Variants in LRMDA observed in about 807,000 individuals in gnomAD.
LRMDA encodes leucine-rich melanocyte differentiation-associated protein.
Under a neutral mutation model 29.8 loss-of-function variants are expected in LRMDA, and 18 were observed. The ratio of observed to expected loss-of-function variants is 0.60; its 90% CI spans 0.42 to 0.90. The LOEUF (loss-of-function observed/expected upper bound fraction) is 0.90. LRMDA is among the 40% of genes least tolerant of loss of function. The pLI is 0.00. For missense variants in LRMDA, 273 were observed against 273.9 expected, an observed-to-expected ratio of 1.00 and a Z score of 0.02; for synonymous variants, 125 against 109.4, an observed-to-expected ratio of 1.14 and a Z score of -0.89.
chr10:75,514,023 T>C (rs926824293), intron 2 of LRMDA, among the ~76,000 whole-genome samples: 1 of 152,196 alleles, frequency 6.6e-6, no homozygotes, highest in African/African-American at 2.4e-5. Context: ...CCTGAACTTC[T>C]GGAATCACCT....
chr10:76,366,359 C>T (rs1239453754), intron 6 of LRMDA, among the ~76,000 whole-genome samples: 1 of 152,118 alleles, frequency 6.6e-6, no homozygotes, highest in South Asian at 2.1e-4. Flanking sequence ...AATATTGATT[C>T]TACCCATCCA....
chr10:75,978,675 C>A (rs1234465101), intron 2 of LRMDA, among the ~76,000 whole-genome samples: 2 of 152,076 alleles, frequency 1.3e-5, no homozygotes, highest in African/African-American at 4.8e-5. Context: ...TGAAGGAATT[C>A]CCAGGTACAT....
At chr10:75,951,241 T>A (rs2132420041) in intron 2 of LRMDA, among the ~76,000 whole-genome samples, 1 of 152,286 alleles carries the variant, frequency 6.6e-6, no homozygotes, top group Middle Eastern at 3.4e-3. Flanking sequence ...TGTGGAAGAT[T>A]TAAGTAGTCA....
intron 5 of LRMDA, among the ~76,000 whole-genome samples, chr10:76,239,254 T>C (rs1192181296): frequency 6.6e-6 from 1 of 152,132 alleles, no homozygotes; most frequent in Non-Finnish European, 1.5e-5. Flanking sequence ...CCCCCAATCC[T>C]AACCTCAGCC....
chr10:76,463,635 T>C lies in LRMDA; in HGVS notation c.602-93574T>C, dbSNP rs185937195. Among the ~76,000 whole-genome samples the C allele has an allele frequency of 1.2e-3, 185 of 152,204 alleles. 1 individual carries two copies. The highest frequency in any genetic ancestry group is 4.3e-3 in the African/African-American group (177 of 41,556). On this transcript the variant is annotated intron_variant, in intron 6 of 6. Transcript: ENST00000611255. ...CCCAGTGAAGAGGATTGCTGGATGT[T>C]GGGCGGTGGCAGGGGAGGGGGGAAG...
At chr10:76,209,515 G>A (rs1293471630) in intron 5 of LRMDA, among the ~76,000 whole-genome samples, 1 of 152,176 alleles carries the variant, frequency 6.6e-6, no homozygotes, top group African/African-American at 2.4e-5. Flanking sequence ...CTCCTGTGAG[G>A]GACTGGATGT....
At chr10:75,767,351 T>TA (rs1843183046) in intron 2 of LRMDA, among the ~76,000 whole-genome samples, 1 of 152,248 alleles carries the variant, frequency 6.6e-6, no homozygotes. Flanking sequence ...TGGCGTGAGA[T>TA]AGTATCTCAT....
At chr10:75,606,773 A>G (rs977125229) in intron 2 of LRMDA, among the ~76,000 whole-genome samples, 12 of 152,344 alleles carry the variant, frequency 7.9e-5, no homozygotes, top group African/African-American at 2.4e-4. Context: ...AAGCATGGAT[A>G]CAAACAGATC....
chr10:76,432,641 T>A (rs1250257900), intron 6 of LRMDA, among the ~76,000 whole-genome samples: 1 of 152,216 alleles, frequency 6.6e-6, no homozygotes, highest in African/African-American at 2.4e-5. Flanking sequence ...GAAAAAATTT[T>A]ATTGTCTAAT....
At chr10:75,988,649 G>A (rs190132613) in intron 2 of LRMDA, among the ~76,000 whole-genome samples, 5 of 151,852 alleles carry the variant, frequency 3.3e-5, no homozygotes, top group Non-Finnish European at 1.5e-5. Context: ...CTTATTCCTA[G>A]CAGAGCAGCC....
intron 2 of LRMDA, among the ~76,000 whole-genome samples, chr10:75,515,216 G>A (rs1845276588): frequency 6.6e-6 from 1 of 152,200 alleles, no homozygotes; most frequent in African/African-American, 2.4e-5. Context: ...CCAGGGGCTG[G>A]TGGATGGTGG....
At chr10:76,178,554 CTGGATGG>C (rs1386503830) in intron 5 of LRMDA, among the ~76,000 whole-genome samples, 1 of 152,128 alleles carries the variant, frequency 6.6e-6, no homozygotes, top group African/African-American at 2.4e-5. Context: ...CCAGAGGGCA[CTGGATGG>C]TGGTAGGGAA....
At chr10:75,574,927 C>G (rs933489730) in intron 2 of LRMDA, among the ~76,000 whole-genome samples, 6 of 152,200 alleles carry the variant, frequency 3.9e-5, no homozygotes, top group Non-Finnish European at 5.9e-5. Context: ...AATTGGCTCA[C>G]TAATCACTGT....
intron 2 of LRMDA, among the ~76,000 whole-genome samples, chr10:75,573,150 A>T (rs1033104562): frequency 6.6e-6 from 1 of 152,314 alleles, no homozygotes; most frequent in East Asian, 1.9e-4. Context: ...ACTGGTAAGA[A>T]GTTTGCTGTA....
chr10:76,130,681 C>T (rs1052654012), intron 5 of LRMDA, among the ~76,000 whole-genome samples: 2 of 151,962 alleles, frequency 1.3e-5, no homozygotes, highest in Admixed American at 1.3e-4. Context: ...TTTTATGAGA[C>T]GAAGTTTCAC....
At chr10:76,539,652 C>T (rs1230928795) in intron 6 of LRMDA, among the ~76,000 whole-genome samples, 2 of 152,098 alleles carry the variant, frequency 1.3e-5, no homozygotes, top group African/African-American at 4.8e-5. Flanking sequence ...TTGGAATGTG[C>T]CATCTCCATC....
At chr10:76,458,341 A>G (rs1842479181) in intron 6 of LRMDA, among the ~76,000 whole-genome samples, 1 of 152,148 alleles carries the variant, frequency 6.6e-6, no homozygotes, top group Non-Finnish European at 1.5e-5. Context: ...ATACTAATCA[A>G]TCCTGGAAGA....
intron 5 of LRMDA, among the ~76,000 whole-genome samples, chr10:76,225,055 A>C (rs1851926141): frequency 6.6e-6 from 1 of 151,956 alleles, no homozygotes; most frequent in Non-Finnish European, 1.5e-5. Context: ...ACATTTATTG[A>C]GTTGTCTCTG....
At chr10:76,534,950 T>C (rs1029652708) in intron 6 of LRMDA, among the ~76,000 whole-genome samples, 2 of 152,190 alleles carry the variant, frequency 1.3e-5, no homozygotes, top group Non-Finnish European at 2.9e-5. Context: ...AAAATTATTA[T>C]AGTTGTTTGT....
Sources: gnomAD v4.1 joint callset for allele counts (sites outside exome capture counted in the v4.1 genomes callset) on GRCh38, gnomAD v4.1.1 for gene constraint, MANE v1.5 for transcripts, NCBI Gene and HGNC (gene_info 2026-07-23, HGNC 2026-07-21) for gene names.